SFXN3: variants seen among roughly 807,000 people sequenced by gnomAD.
SFXN3 encodes sideroflexin-3.
Under a neutral mutation model 40.4 loss-of-function variants are expected in SFXN3, and 31 were observed. That is an observed-to-expected ratio of 0.77 (90% CI 0.58 to 1.04). The LOEUF (loss-of-function observed/expected upper bound fraction) is 1.04. Ranked by LOEUF, SFXN3 falls within the 50% of genes least tolerant of loss-of-function variation. SFXN3 has a pLI of 0.00. For synonymous variants in SFXN3, 157 were observed against 160.0 expected, an observed-to-expected ratio of 0.98 and a Z score of 0.14; for missense variants, 366 against 408.2, an observed-to-expected ratio of 0.90 and a Z score of 0.89.
At position 101,036,602 on chromosome 10, in the gene SFXN3, T is replaced by C. The variant is rs1938616640; in HGVS notation, c.507+41T>C. On this transcript the variant is annotated intron_variant, in intron 6 of 11. Transcript: ENST00000393459. The surrounding 1 kb of genome is among the most constrained non-coding windows in gnomAD (Gnocchi z 4.2). ...TCCCCTGACCACCCCATTCATCCTCTATCTGCCTCCTTCTTCCTCATCACA... is the reference window on the plus strand; with the variant it reads ...TCCCCTGACCACCCCATTCATCCTCCATCTGCCTCCTTCTTCCTCATCACA... 6.2e-7 allele frequency: 1 copy of C among 1,613,312 alleles called. No individual in the cohort carries two copies. The highest frequency in any genetic ancestry group is 1.3e-5 in the African/African-American group (1 of 74,878).
Position 101,039,479 on chromosome 10 carries a change from T to G in SFXN3, c.870-10T>G. 6.2e-7 allele frequency: 1 copy of G among 1,613,552 alleles called. No homozygotes were observed. Among genetic ancestry groups the G allele is most frequent in the Non-Finnish European group, 8.5e-7 (1 of 1,179,506 alleles). On this transcript the variant is annotated splice_polypyrimidine_tract_variant and intron_variant, in intron 11 of 11. Coordinates refer to ENST00000393459, the Ensembl canonical transcript of SFXN3. This position sits in a 1 kb window ranked among gnomAD's most constrained non-coding sequence, Gnocchi z 4.6. Reference sequence around the variant, plus strand: ...GGGGACGTTAACTGGCCTGTGCTGTTCTATTGCAGCTCCATACACATAAGC... The same window carrying G: ...GGGGACGTTAACTGGCCTGTGCTGTGCTATTGCAGCTCCATACACATAAGC...
At chr10:101,034,665 G>A (rs189949812) in intron 2 of SFXN3, 27 bp from the exon 3 acceptor site, 24 of 1,611,708 alleles carry the variant, frequency 1.5e-5, no homozygotes, top group Middle Eastern at 1.8e-4. Flanking sequence ...TTGGACTCCC[G>A]CTCTGACCCT....
At chr10:101,032,456 TGA>T (rs765091526) in exon 2 of SFXN3, 13 of 1,546,342 alleles carry the variant, frequency 8.4e-6, no homozygotes, top group Non-Finnish European at 1.1e-5. Context: ...AAGGCGGTTC[TGA>T]GAGCTTCAGA....
intron 4 of SFXN3, 92 bp downstream of exon 4, chr10:101,035,759 G>C (rs1938566900): frequency 6.7e-7 from 1 of 1,493,240 alleles, no homozygotes. Context: ...CTGGGTGAGT[G>C]AAAGATTGTG....
chr10:101,038,674 T>C (rs770360230), exon 10 of SFXN3: 26 of 1,612,310 alleles, frequency 1.6e-5, no homozygotes, highest in Non-Finnish European at 2.2e-5. Flanking sequence ...CCCCTGCAGG[T>C]GGGACTGGTG....
chr10:101,034,643 G>GCCCTTGGA, intron 2 of SFXN3, 49 bp from the exon 3 acceptor site: 1 of 1,594,212 alleles, frequency 6.3e-7, no homozygotes. Flanking sequence ...CCTAGCTGGA[G>GCCCTTGGA]CCCTTGGACC....
chr10:101,033,064 A>G (rs898489490), intron 2 of SFXN3, among the ~76,000 whole-genome samples: 4 of 152,134 alleles, frequency 2.6e-5, no homozygotes, highest in African/African-American at 9.7e-5. Flanking sequence ...ATGGGTCTGT[A>G]GAGAGGACTT....
intron 3 of SFXN3, 97 bp downstream of exon 3, chr10:101,034,952 C>G: frequency 4.1e-6 from 6 of 1,453,172 alleles, no homozygotes; most frequent in Non-Finnish European, 5.6e-6. Flanking sequence ...TGACAGTGAC[C>G]CTGTCCCTCA....
chr10:101,032,624 G>C (rs1401429699), intron 2 of SFXN3, 142 bp downstream of exon 2: 8 of 959,916 alleles, frequency 8.3e-6, no homozygotes, highest in African/African-American at 1.7e-5. Flanking sequence ...GGGAGGTTGG[G>C]GGGAGGAATG....
chr10:101,034,702 A>T, exon 3 of SFXN3: 1 of 1,613,998 alleles, frequency 6.2e-7, no homozygotes, highest in Non-Finnish European at 8.5e-7. Flanking sequence ...AAAATGGGTG[A>T]ATTGCCTTTA....
intron 4 of SFXN3, 160 bp downstream of exon 4, chr10:101,035,827 A>ACCCT: frequency 8.7e-7 from 1 of 1,153,526 alleles, no homozygotes; most frequent in African/African-American, 1.5e-5. Flanking sequence ...CCCCAGAGAC[A>ACCCT]GTAGGTGTGT....
At chr10:101,032,862 A>G (rs1371170680) in intron 2 of SFXN3, among the ~76,000 whole-genome samples, 1 of 152,160 alleles carries the variant, frequency 6.6e-6, no homozygotes, top group African/African-American at 2.4e-5. Context: ...GTCATTCTGT[A>G]GGATTCTGCC....
At chr10:101,034,526 C>T (rs1938488653) in intron 2 of SFXN3, among the ~76,000 whole-genome samples, 166 bp from the exon 3 acceptor site, 1 of 151,914 alleles carries the variant, frequency 6.6e-6, no homozygotes. Context: ...TACATAGACA[C>T]AGTAACAGTC....
chr10:101,037,572 C>T (rs1332821317), intron 9 of SFXN3, 141 bp downstream of exon 9: 15 of 1,560,464 alleles, frequency 9.6e-6, no homozygotes, highest in Middle Eastern at 2.3e-4. Flanking sequence ...CCTCCACCTT[C>T]GTTCATTCAG....
intron 9 of SFXN3, chr10:101,037,768 G>C (rs1039068666): frequency 1.6e-6 from 2 of 1,239,850 alleles, no homozygotes; most frequent in Non-Finnish European, 2.0e-6. Context: ...AGGTACACAC[G>C]GGTGAACACG....
At chr10:101,031,699 G>C (rs1321269528) in intron 1 of SFXN3, among the ~76,000 whole-genome samples, 165 bp downstream of exon 1, 4 of 152,272 alleles carry the variant, frequency 2.6e-5, no homozygotes, top group Admixed American at 2.0e-4. Flanking sequence ...GCACTTGCTC[G>C]GATGCAGACC....
At chr10:101,034,770 C>A (rs1400681224) in exon 3 of SFXN3, 2 of 1,614,124 alleles carry the variant, frequency 1.2e-6, no homozygotes, top group African/African-American at 1.3e-5. Context: ...CAGAGCCCGG[C>A]ACTTTTTCAC....
chr10:101,038,249 A>C, intron 9 of SFXN3: 1 of 1,122,146 alleles, frequency 8.9e-7, no homozygotes, highest in Non-Finnish European at 1.1e-6. Context: ...CAAATTGAGA[A>C]GAGTGCCGAG....
chr10:101,039,230 C>T lies in SFXN3; in HGVS notation c.869+8C>T. 3 of 1,603,640 alleles carry T rather than the reference C, an allele frequency of 1.9e-6. No individual in the cohort carries two copies. Among genetic ancestry groups the T allele is most frequent in the South Asian group, 1.1e-5 (1 of 89,560 alleles). On this transcript the variant is annotated splice_region_variant and intron_variant, in intron 11 of 11. Coordinates refer to ENST00000393459, the Ensembl canonical transcript of SFXN3. This position sits in a 1 kb window ranked among gnomAD's most constrained non-coding sequence, Gnocchi z 4.6. ...CCTATTCCCCCAGAAGAGGTAAGTG[C>T]TGTCCCTGGGCTGGGTGGGGGACTC...
Sources: allele counts gnomAD v4.1 joint callset (sites outside exome capture counted in the v4.1 genomes callset), GRCh38; gene constraint gnomAD v4.1.1; non-coding constraint Gnocchi (gnomAD v3.1); transcripts MANE v1.5; gene names NCBI Gene and HGNC (gene_info 2026-07-23, HGNC 2026-07-21).